The following ROR2 variants were observed in gnomAD, a reference collection of about 807,000 sequenced individuals.
The protein encoded by ROR2 is tyrosine-protein kinase transmembrane receptor ROR2.
Under a neutral mutation model 74.9 loss-of-function variants are expected in ROR2, and 33 were observed. The observed-to-expected ratio is 0.44, with a 90% CI of 0.33 to 0.59. The LOEUF is 0.59. ROR2 is among the 20% of genes least tolerant of loss of function. The probability of loss-of-function intolerance (pLI) is 0.02; values close to 1 mark genes in which losing one functional copy is unlikely to be tolerated. For synonymous variants in ROR2, 586 were observed against 558.7 expected (o/e 1.05, Z -0.69); for missense variants, 1,216 against 1,313.8 (o/e 0.93, Z 1.15).
intron 1 of ROR2, among the ~76,000 whole-genome samples, chr9:91,872,624 T>G (rs1310337999): frequency 6.6e-6 from 1 of 152,256 alleles, no homozygotes; most frequent in Non-Finnish European, 1.5e-5. Context: ...TTCCTTATAC[T>G]ACACATTGCT....
intron 1 of ROR2, among the ~76,000 whole-genome samples, chr9:91,893,911 AACCACCATC>A (rs1188531669): frequency 6.6e-6 from 1 of 152,198 alleles, no homozygotes; most frequent in Non-Finnish European, 1.5e-5. Context: ...CACTGTTGGC[AACCACCATC>A]ACCATCTATC....
chr9:91,768,375 C>T (rs969351414), intron 2 of ROR2, among the ~76,000 whole-genome samples: 5 of 152,202 alleles, frequency 3.3e-5, no homozygotes, highest in African/African-American at 9.7e-5. Context: ...TTAAGACCTA[C>T]ACACAGGTGA....
At chr9:91,816,624 G>T (rs73513297) in intron 1 of ROR2, among the ~76,000 whole-genome samples, 1 of 150,484 alleles carries the variant, frequency 6.6e-6, no homozygotes, top group South Asian at 2.1e-4. Flanking sequence ...ACAGCTCCCC[G>T]CTGTGGTATG....
chr9:91,726,432 A>G (rs1222548885), intron 8 of ROR2, 109 bp downstream of exon 8: 2 of 1,069,462 alleles, frequency 1.9e-6, no homozygotes, highest in African/African-American at 3.1e-5. Context: ...GTTTAAAATA[A>G]TTATGTGCTA....
In ROR2 at chr9:91,723,897, C is replaced by T. The variant is rs1564226908; in HGVS notation, c.2597G>A (p.Ser866Asn). The stretch of plus-strand genomic sequence containing the variant: ...GACGTAGCCTGTGCTGGTGGAGCCA[C>T]TGCCACTGTGGTGTGAGCTGGGCTT... The part of the protein sequence containing the change: ...VPKPSSHHSG[S>N]GSTSTGYVTT... Residue 866 changes from serine (S) to asparagine (N), a missense_variant, in exon 9 of 9, where the codon AGT (serine) becomes AAT (asparagine). Coordinates refer to ENST00000375708, the MANE Select transcript of ROR2 (RefSeq NM_004560.4). The T allele has an allele frequency of 6.2e-7, 1 of 1,614,036 alleles. No individual in the cohort carries two copies. Among genetic ancestry groups the T allele is most frequent in the Non-Finnish European group, 8.5e-7 (1 of 1,180,038 alleles).
intron 1 of ROR2, among the ~76,000 whole-genome samples, chr9:91,888,900 G>A (rs1240132232): frequency 2.0e-5 from 3 of 151,992 alleles, no homozygotes; most frequent in African/African-American, 7.3e-5. Flanking sequence ...GAAGCAGGTT[G>A]GTGAGGTTCT....
chr9:91,732,419 G>A (rs1038717767), intron 6 of ROR2, among the ~76,000 whole-genome samples: 3 of 152,072 alleles, frequency 2.0e-5, no homozygotes, highest in African/African-American at 7.2e-5. Flanking sequence ...GTCCTGTGCA[G>A]ACCCCAAACA....
intron 2 of ROR2, among the ~76,000 whole-genome samples, chr9:91,774,393 T>C (rs995184971): frequency 2.6e-5 from 4 of 152,210 alleles, no homozygotes; most frequent in African/African-American, 4.8e-5. Flanking sequence ...TTGATTGTTA[T>C]GGACTGAGCA....
intron 4 of ROR2, 26 bp downstream of exon 4, chr9:91,756,045 A>G (rs1053474570): frequency 1.2e-6 from 2 of 1,611,810 alleles, no homozygotes; most frequent in Non-Finnish European, 1.7e-6. Flanking sequence ...GCAGCAGAAC[A>G]CGGCTTGGGG....
At position 91,726,605 on chromosome 9, in the gene ROR2, C is replaced by T. The variant is rs142993413; in HGVS notation, c.1322G>A (p.Arg441Gln). Residue 441 changes from arginine to glutamine, a missense_variant, in exon 8 of 9, where the codon CGG becomes CAG. By Grantham distance (43) the Arg-to-Gln change is conservative. Transcript: ENST00000375708. ...GCTGGGCGAGGCCATCAGCTGTCGC[C>T]GCTGCGGTGTGGACGCAGATGCCTT... is the stretch of plus-strand genomic sequence containing the variant. The part of the protein sequence containing the change: ...KQKASASTPQ[R>Q]RQLMASPSQD... 57 of 1,613,720 alleles carry T rather than the reference C, an allele frequency of 3.5e-5. No individual in the cohort carries two copies. Among genetic ancestry groups the T allele is most frequent in the Non-Finnish European group, 4.7e-5 (55 of 1,180,036 alleles).
intron 1 of ROR2, among the ~76,000 whole-genome samples, chr9:91,927,589 G>A (rs543977108): frequency 7.5e-5 from 7 of 93,494 alleles, no homozygotes; most frequent in Admixed American, 5.6e-4. Context: ...TTTTTGAGAC[G>A]GAGTCTCTCT....
chr9:91,913,361 T>A (rs1326063059), intron 1 of ROR2, among the ~76,000 whole-genome samples: 1 of 152,072 alleles, frequency 6.6e-6, no homozygotes, highest in African/African-American at 2.4e-5. Context: ...ACACTTTCAG[T>A]CTTTCCAAAA....
chr9:91,856,764 G>T (rs1407873504), intron 1 of ROR2, among the ~76,000 whole-genome samples: 1 of 152,226 alleles, frequency 6.6e-6, no homozygotes, highest in African/African-American at 2.4e-5. Flanking sequence ...GTCCTTGTCT[G>T]AGGCTCTACC....
chr9:91,739,513 T>TA (rs71362359), intron 4 of ROR2, among the ~76,000 whole-genome samples: 3,389 of 105,534 alleles, frequency 0.032, 153 homozygotes, highest in African/African-American at 0.11. Flanking sequence ...TCTTTAAATT[T>TA]AAAAAAAAAA....
At chr9:91,737,596 A>G (rs1825077395) in intron 4 of ROR2, 78 bp from the exon 5 acceptor site, 3 of 1,602,258 alleles carry the variant, frequency 1.9e-6, no homozygotes, top group African/African-American at 1.3e-5. Flanking sequence ...ATGATCCAGC[A>G]TCTTGCGATC....
chr9:91,938,573 G>A (rs1831764205), intron 1 of ROR2, among the ~76,000 whole-genome samples: 1 of 152,188 alleles, frequency 6.6e-6, no homozygotes. Flanking sequence ...AGTGAGCTAT[G>A]ATTGTGCCAC....
intron 1 of ROR2, among the ~76,000 whole-genome samples, chr9:91,780,847 G>A (rs1180777381): frequency 6.6e-6 from 1 of 152,150 alleles, no homozygotes; most frequent in Non-Finnish European, 1.5e-5. Flanking sequence ...CTGATTCCAA[G>A]GCTCTACCTC....
chr9:91,807,789 A>G (rs1296366489), intron 1 of ROR2, among the ~76,000 whole-genome samples: 1 of 152,080 alleles, frequency 6.6e-6, no homozygotes, highest in East Asian at 1.9e-4. Context: ...AGCAGAGGAA[A>G]AATACTTGAG....
chr9:91,765,205 C>T (rs1826025662), intron 2 of ROR2, among the ~76,000 whole-genome samples: 1 of 152,118 alleles, frequency 6.6e-6, no homozygotes, highest in South Asian at 2.1e-4. Context: ...TACTCCTTAC[C>T]CTTTTTGTCT....
Sources: allele counts gnomAD v4.1 joint callset (sites outside exome capture counted in the v4.1 genomes callset), GRCh38; gene constraint gnomAD v4.1.1; transcripts MANE v1.5; gene names NCBI Gene and HGNC (gene_info 2026-07-23, HGNC 2026-07-21).